The following IFNE variants were observed in gnomAD, a reference collection of about 807,000 sequenced individuals.
IFNE encodes the protein interferon epsilon, also known as IFN-epsilon.
For synonymous variants in IFNE, 94 were observed against 87.4 expected (o/e 1.08, Z -0.42); for missense variants, 276 against 232.4 (o/e 1.19, Z -1.22).
chr9:21,481,742 T>G lies in IFNE; in HGVS notation c.-48A>C, dbSNP rs754684156. On this transcript the variant is annotated 5_prime_UTR_variant, in exon 1 of 1. Transcript: ENST00000448696. ...TATCCCTGCATAGACTTAGGGAAATTCCAGCTCTAGTGAATGTTTGCCTTT... is the reference window on the plus strand; with the variant it reads ...TATCCCTGCATAGACTTAGGGAAATGCCAGCTCTAGTGAATGTTTGCCTTT... The G allele has an allele frequency of 5.3e-6, 8 of 1,514,666 alleles. No individual in the cohort carries two copies. In the Admixed American group the frequency reaches 8.0e-5, roughly 15 times the overall value. The allele number at this position is 1,514,666 out of a possible 1,614,324, so 93.8% of individuals were successfully genotyped here.
Position 21,481,371 on chromosome 9 carries a change from T to C in IFNE, c.324A>G (p.Lys108=). Reference sequence around the variant, plus strand: ...GCTGTTGATGAAGTTGAATGAGGAATTTCTCCGTGTGGTTTTCCTCCCAAC... The same window carrying C: ...GCTGTTGATGAAGTTGAATGAGGAACTTCTCCGTGTGGTTTTCCTCCCAAC... ...LDGWEENHTE[K]FLIQLHQQLE... is the part of the protein sequence containing the mutation. Residue 108 remains lysine (K), a synonymous_variant, in exon 1 of 1, where the codon AAA becomes AAG. Coordinates refer to ENST00000448696, the MANE Select transcript of IFNE (RefSeq NM_176891.5). 3 of 1,614,130 alleles carry C rather than the reference T, an allele frequency of 1.9e-6. No individual in the cohort carries two copies. Among genetic ancestry groups the C allele is most frequent in the Non-Finnish European group, 2.5e-6 (3 of 1,179,972 alleles).
rs758138135 is a variant in IFNE at position 21,481,476 on chromosome 9, T to A, written c.219A>T (p.Gln73His). ...PQKSLSPQQYQKGHTLAILHE... is the reference protein window; with the variant it reads ...PQKSLSPQQYHKGHTLAILHE... ...GGAGAATGGCCAGAGTGTGTCCTTT[T>A]TGGTACTGCTGAGGACTCAAAGACT... Residue 73 changes from glutamine to histidine, a missense_variant, in exon 1 of 1, where the codon CAA (glutamine) becomes CAT (histidine). Coordinates refer to ENST00000448696, the MANE Select transcript of IFNE (RefSeq NM_176891.5). 2 of 1,614,128 alleles carry A rather than the reference T, an allele frequency of 1.2e-6. No individual in the cohort carries two copies. The highest frequency in any genetic ancestry group is 1.7e-6 in the Non-Finnish European group (2 of 1,180,002).
Position 21,481,585 on chromosome 9 carries a change from T to C in IFNE, c.110A>G (p.Glu37Gly). 8.7e-6 allele frequency: 14 copies of C among 1,614,176 alleles called. No individual in the cohort carries two copies. Among genetic ancestry groups the C allele is most frequent in the Admixed American group, 1.7e-5 (1 of 60,026 alleles). ...CAACTTATTCAAGAGTTTTAAACTTTCTTGATTCACTTGTCTTTGCTGGAA... is the reference window on the plus strand; with the variant it reads ...CAACTTATTCAAGAGTTTTAAACTTCCTTGATTCACTTGTCTTTGCTGGAA... ...IIFQQRQVNQ[E>G]SLKLLNKLQT... The change falls in exon 1 of 1, where the codon GAA (glutamate) becomes GGA (glycine). Residue 37 changes from glutamate to glycine, a missense_variant. Coordinates refer to ENST00000448696, the MANE Select transcript of IFNE (RefSeq NM_176891.5).
At position 21,480,919 on chromosome 9, in the gene IFNE, C is replaced by A; in HGVS notation, c.*149G>T. 1.7e-6 allele frequency: 1 copy of A among 601,150 alleles called. No individual in the cohort carries two copies. The highest frequency in any genetic ancestry group is 2.9e-5 in the East Asian group (1 of 34,002). 37.2% of individuals were successfully genotyped at this position (601,150 alleles called of 1,614,324 possible). On this transcript the variant is annotated 3_prime_UTR_variant, in exon 1 of 1. Coordinates refer to ENST00000448696, the MANE Select transcript of IFNE (RefSeq NM_176891.5). Reference sequence around the variant, plus strand: ...GGATAGAATATATAAAGCCACATTACAAAATAAAAACAATTGTGGTCAATA... The same window carrying A: ...GGATAGAATATATAAAGCCACATTAAAAAATAAAAACAATTGTGGTCAATA...
At position 21,481,382 on chromosome 9, in the gene IFNE, G is replaced by A. The variant is rs1300359387; in HGVS notation, c.313C>T (p.His105Tyr). 4 of 1,614,100 alleles carry A rather than the reference G, an allele frequency of 2.5e-6. No individual in the cohort carries two copies. Among genetic ancestry groups the A allele is most frequent in the South Asian group, 2.2e-5 (2 of 91,072 alleles). ...NISLDGWEENHTEKFLIQLHQ... is the reference protein window; with the variant it reads ...NISLDGWEENYTEKFLIQLHQ... ...AGTTGAATGAGGAATTTCTCCGTGT[G>A]GTTTTCCTCCCAACCATCCAGAGAA... The change falls in exon 1 of 1, where the codon CAC becomes TAC. Residue 105 changes from histidine to tyrosine, a missense_variant. His to Tyr is a moderately conservative substitution (Grantham distance 83). Coordinates refer to ENST00000448696, the MANE Select transcript of IFNE (RefSeq NM_176891.5).
chr9:21,481,629 T>A lies in IFNE; in HGVS notation c.66A>T (p.Leu22=). ...VLLASTTIFS[L]DLKLIIFQQR... ...GCTGGAAGATAATCAGTTTCAAATCTAGAGAGAAGATAGTGGTAGAGGCCA... is the reference window on the plus strand; with the variant it reads ...GCTGGAAGATAATCAGTTTCAAATCAAGAGAGAAGATAGTGGTAGAGGCCA... Residue 22 remains leucine (L), a synonymous_variant, in exon 1 of 1, where the codon CTA becomes CTT. Transcript: ENST00000448696. 6.2e-7 allele frequency: 1 copy of A among 1,613,984 alleles called. No individual in the cohort carries two copies. Among genetic ancestry groups the A allele is most frequent in the South Asian group, 1.1e-5 (1 of 91,070 alleles).
chr9:21,481,246 C>G lies in IFNE; in HGVS notation c.449G>C (p.Arg150Thr). Residue 150 changes from arginine to threonine, a missense_variant, in exon 1 of 1, where the codon AGG becomes ACG. Coordinates refer to ENST00000448696, the MANE Select transcript of IFNE (RefSeq NM_176891.5). ...LRLQVKMYFR[R>T]IHDYLENQDY... is the part of the protein sequence containing the mutation. ...CTGGTTTTCCAGGTAATCATGGATC[C>G]TTCGGAAGTACATTTTAACTTGTAA... 6.2e-7 allele frequency: 1 copy of G among 1,614,150 alleles called. No homozygotes were observed. The highest frequency in any genetic ancestry group is 8.5e-7 in the Non-Finnish European group (1 of 1,179,984).
In IFNE at chr9:21,481,451, G is replaced by A; in HGVS notation, c.244C>T (p.His82Tyr). The A allele has an allele frequency of 6.2e-7, 1 of 1,614,144 alleles. No homozygotes were observed. The highest frequency in any genetic ancestry group is 8.5e-7 in the Non-Finnish European group (1 of 1,180,024). The stretch of plus-strand genomic sequence containing the variant: ...CTGAAGATCTGCTGAAGCATCTCAT[G>A]GAGAATGGCCAGAGTGTGTCCTTTT... Reference protein sequence around the residue: ...YQKGHTLAILHEMLQQIFSLF... With the variant: ...YQKGHTLAILYEMLQQIFSLF... The change falls in exon 1 of 1, where the codon CAT (histidine) becomes TAT (tyrosine). Residue 82 changes from histidine to tyrosine, a missense_variant. Physicochemically the swap from His to Tyr is moderately conservative, Grantham distance 83. Coordinates refer to ENST00000448696, the MANE Select transcript of IFNE (RefSeq NM_176891.5).
At position 21,480,940 on chromosome 9, in the gene IFNE, C is replaced by A. The variant is rs941464965; in HGVS notation, c.*128G>T. ...ATTACAAAATAAAAACAATTGTGGTCAATATGCACAATCTTAAAACACAGA... is the reference window on the plus strand; with the variant it reads ...ATTACAAAATAAAAACAATTGTGGTAAATATGCACAATCTTAAAACACAGA... On this transcript the variant is annotated 3_prime_UTR_variant, in exon 1 of 1. Transcript: ENST00000448696. 4.8e-5 allele frequency: 34 copies of A among 705,988 alleles called. No individual in the cohort carries two copies. The highest frequency in any genetic ancestry group is 6.9e-5 in the Non-Finnish European group (30 of 436,428). The allele number at this position is 705,988 out of a possible 1,614,324, so 43.7% of individuals were successfully genotyped here.
rs1056027918 is a variant in IFNE at position 21,482,156 on chromosome 9, T to C, written c.-462A>G. On this transcript the variant is annotated 5_prime_UTR_variant, in exon 1 of 1. Coordinates refer to ENST00000448696, the MANE Select transcript of IFNE (RefSeq NM_176891.5). ...AAGGCTTATCAGCACCTATAAAGAA[T>C]TCAGGGGCAAAACTTAAAATACCTA... 6 of 167,406 alleles carry C rather than the reference T, an allele frequency of 3.6e-5. No homozygotes were observed. The highest frequency in any genetic ancestry group is 1.4e-4 in the African/African-American group (6 of 41,460). 10.4% of individuals were successfully genotyped at this position (167,406 alleles called of 1,614,324 possible).
Position 21,481,163 on chromosome 9 carries a change from A to G in IFNE, c.532T>C (p.Phe178Leu). Residue 178 changes from phenylalanine (F) to leucine (L), a missense_variant, in exon 1 of 1, where the codon TTT (phenylalanine) becomes CTT (leucine). Phe to Leu is a conservative substitution (Grantham distance 22). Coordinates refer to ENST00000448696, the MANE Select transcript of IFNE (RefSeq NM_176891.5). ...VQVEISRCLF[F>L]VFSLTEKLSK... The stretch of plus-strand genomic sequence containing the variant: ...AGTTTTTCTGTGAGACTGAACACAA[A>G]GAACAGACATCGGCTGATTTCTACT... The G allele has an allele frequency of 6.2e-7, 1 of 1,614,158 alleles. No homozygotes were observed. The highest frequency in any genetic ancestry group is 8.5e-7 in the Non-Finnish European group (1 of 1,179,974).
rs1819022729 is a variant in IFNE, at chr9:21,480,962, CAGAT to C, written c.*102_*105del. 5 of 887,694 alleles carry C rather than the reference CAGAT, an allele frequency of 5.6e-6. No individual in the cohort carries two copies. Among genetic ancestry groups the C allele is most frequent in the East Asian group, 2.5e-5 (1 of 39,238 alleles). 55.0% of individuals were successfully genotyped at this position (887,694 alleles called of 1,614,324 possible). ...GGTCAATATGCACAATCTTAAAACA[CAGAT>C]AAATATATATATACACAAAATCAAA... On this transcript the variant is annotated 3_prime_UTR_variant, in exon 1 of 1. Coordinates refer to ENST00000448696, the MANE Select transcript of IFNE (RefSeq NM_176891.5).
At position 21,481,077 on chromosome 9, in the gene IFNE, G is replaced by A; in HGVS notation, c.618C>T (p.Ser206=). The A allele has an allele frequency of 6.2e-7, 1 of 1,602,520 alleles. No individual in the cohort carries two copies. Among genetic ancestry groups the A allele is most frequent in the Non-Finnish European group, 8.5e-7 (1 of 1,175,078 alleles). ...MKQELTTEFR[S]PR is the part of the protein sequence containing the mutation. ...CCTCTAGTCCCTCCACCTACCTCGG[G>A]CTTCTAAACTCTGTAGTAAGCTCTT... The change falls in exon 1 of 1, where the codon AGC becomes AGT. Residue 206 remains serine, a synonymous_variant. Coordinates refer to ENST00000448696, the MANE Select transcript of IFNE (RefSeq NM_176891.5).
At position 21,480,980 on chromosome 9, in the gene IFNE, C is replaced by G; in HGVS notation, c.*88G>C. 1 of 1,042,286 alleles carries G rather than the reference C, an allele frequency of 9.6e-7. No homozygotes were observed. The highest frequency in any genetic ancestry group is 1.4e-6 in the Non-Finnish European group (1 of 711,926). The allele number at this position is 1,042,286 out of a possible 1,614,324, so 64.6% of individuals were successfully genotyped here. A position where few individuals can be genotyped will look rare whatever the true frequency, so the allele number is the denominator to read the frequency against. On this transcript the variant is annotated 3_prime_UTR_variant, in exon 1 of 1. Coordinates refer to ENST00000448696, the MANE Select transcript of IFNE (RefSeq NM_176891.5). Reference sequence around the variant, plus strand: ...TAAAACACAGATAAATATATATATACACAAAATCAAAGCAATGTGATTGTA... The same window carrying G: ...TAAAACACAGATAAATATATATATAGACAAAATCAAAGCAATGTGATTGTA...
Position 21,480,947 on chromosome 9 carries a change from C to A in IFNE, c.*121G>T. 1 of 773,960 alleles carries A rather than the reference C, an allele frequency of 1.3e-6. No homozygotes were observed. Among genetic ancestry groups the A allele is most frequent in the Non-Finnish European group, 2.0e-6 (1 of 493,118 alleles). 47.9% of individuals were successfully genotyped at this position (773,960 alleles called of 1,614,324 possible). ...AATAAAAACAATTGTGGTCAATATG[C>A]ACAATCTTAAAACACAGATAAATAT... On this transcript the variant is annotated 3_prime_UTR_variant, in exon 1 of 1. Transcript: ENST00000448696.
Position 21,481,777 on chromosome 9 carries a change from C to G in IFNE, c.-83G>C. ...GTGAATGTTTGCCTTTCATGCATCT[C>G]AGATTATTTTGGAGAGTGTTCTCTT... is the stretch of plus-strand genomic sequence containing the variant. On this transcript the variant is annotated 5_prime_UTR_variant, in exon 1 of 1. Coordinates refer to ENST00000448696, the MANE Select transcript of IFNE (RefSeq NM_176891.5). The G allele has an allele frequency of 8.0e-7, 1 of 1,256,524 alleles. No individual in the cohort carries two copies. Among genetic ancestry groups the G allele is most frequent in the East Asian group, 2.3e-5 (1 of 42,702 alleles). 77.8% of individuals were successfully genotyped at this position (1,256,524 alleles called of 1,614,324 possible).
Position 21,481,253 on chromosome 9 carries a change from A to C in IFNE, c.442T>G (p.Phe148Val). ...DNLRLQVKMY[F>V]RRIHDYLENQ... ...TCCAGGTAATCATGGATCCTTCGGA[A>C]GTACATTTTAACTTGTAATCTAAGG... Residue 148 changes from phenylalanine to valine, a missense_variant, in exon 1 of 1, where the codon TTC becomes GTC. Transcript: ENST00000448696. 1 of 1,614,156 alleles carries C rather than the reference A, an allele frequency of 6.2e-7. No homozygotes were observed. The highest frequency in any genetic ancestry group is 8.5e-7 in the Non-Finnish European group (1 of 1,179,972).
chr9:21,481,794 T>G lies in IFNE; in HGVS notation c.-100A>C. 9.4e-7 allele frequency: 1 copy of G among 1,060,548 alleles called. No individual in the cohort carries two copies. 65.7% of individuals were successfully genotyped at this position (1,060,548 alleles called of 1,614,324 possible). On this transcript the variant is annotated 5_prime_UTR_variant, in exon 1 of 1. Transcript: ENST00000448696. ...ATGCATCTCAGATTATTTTGGAGAG[T>G]GTTCTCTTTTGTTGCTTTCGTTTTC...
In IFNE at chr9:21,481,330, G is replaced by A. The variant is rs1819036426; in HGVS notation, c.365C>T (p.Ala122Val). 2 of 1,614,166 alleles carry A rather than the reference G, an allele frequency of 1.2e-6. No individual in the cohort carries two copies. Among genetic ancestry groups the A allele is most frequent in the East Asian group, 2.2e-5 (1 of 44,872 alleles). Residue 122 changes from alanine to valine, a missense_variant, in exon 1 of 1, where the codon GCA becomes GTA. Transcript: ENST00000448696. ...CTTCTCTGCTTCCAGTCCCATGAGTGCTTCTAGGTATTCTAGCTGTTGATG... is the reference window on the plus strand; with the variant it reads ...CTTCTCTGCTTCCAGTCCCATGAGTACTTCTAGGTATTCTAGCTGTTGATG... ...QLHQQLEYLE[A>V]LMGLEAEKLS...
Sources: allele counts gnomAD v4.1 joint callset, GRCh38; gene constraint gnomAD v4.1.1; transcripts MANE v1.5; gene names NCBI Gene and HGNC (gene_info 2026-07-23, HGNC 2026-07-21).